Variants in TMEM39B observed in about 807,000 individuals in gnomAD.
The protein encoded by TMEM39B is transmembrane protein 39B.
In TMEM39B, 23 loss-of-function variants were observed where a neutral mutation model predicts 52.2. The ratio of observed to expected loss-of-function variants is 0.44; its 90% confidence interval spans 0.32 to 0.62. The LOEUF (loss-of-function observed/expected upper bound fraction) is 0.62. TMEM39B is among the 20% of genes least tolerant of loss of function. TMEM39B has a pLI of 0.06. For missense variants in TMEM39B, 547 were observed against 642.0 expected, an observed-to-expected ratio of 0.85 and a Z score of 1.60; for synonymous variants, 285 against 264.0, an observed-to-expected ratio of 1.08 and a Z score of -0.77.
intron 5 of TMEM39B, among the ~76,000 whole-genome samples, chr1:32,082,611 C>T (rs1312420674): frequency 6.6e-6 from 1 of 151,732 alleles, no homozygotes; most frequent in African/African-American, 2.4e-5. Flanking sequence ...TGCACCACCA[C>T]GCCCAGCTAA....
chr1:32,083,568 G>A (rs1323207519), intron 5 of TMEM39B, among the ~76,000 whole-genome samples: 7 of 149,504 alleles, frequency 4.7e-5, no homozygotes, highest in East Asian at 2.0e-4. Context: ...GACTACACGC[G>A]CCCGCCACCA....
Position 32,080,437 on chromosome 1 carries a change from G to A in TMEM39B, c.590+3119G>A, listed in dbSNP as rs1640047066. Among the ~76,000 whole-genome samples the A allele has an allele frequency of 2.6e-5, 4 of 151,572 alleles. No homozygotes were observed. The South Asian group carries it at 6.3e-4, about 24-fold the overall frequency. ...TCCCAGCACTTTGGGAGGCTGAGGC[G>A]GGTGGATCACGAGGTCAGGAGATTG... On this transcript the variant is annotated intron_variant, in intron 5 of 8. Transcript: ENST00000336294.
chr1:32,102,810 G>A lies in TMEM39B; in HGVS notation c.*137G>A, dbSNP rs1052993232. Reference sequence around the variant, plus strand: ...GAGCTTTGTATTTTTGTTACGTACTGTTTCTTTGATAATTGATGTGATAAG... The same window carrying A: ...GAGCTTTGTATTTTTGTTACGTACTATTTCTTTGATAATTGATGTGATAAG... On this transcript the variant is annotated 3_prime_UTR_variant, in exon 9 of 9. Transcript: ENST00000336294. 35 of 1,018,442 alleles carry A rather than the reference G, an allele frequency of 3.4e-5. No individual in the cohort carries two copies. The African/African-American group carries it at 5.1e-4, about 15-fold the overall frequency. 63.1% of individuals were successfully genotyped at this position (1,018,442 alleles called of 1,614,324 possible).
In TMEM39B at chr1:32,091,723, G is replaced by A. The variant is rs1173124693; in HGVS notation, c.639G>A (p.Lys213=). 1 of 1,613,978 alleles carries A rather than the reference G, an allele frequency of 6.2e-7. No individual in the cohort carries two copies. The highest frequency in any genetic ancestry group is 2.2e-5 in the East Asian group (1 of 44,882). The change falls in exon 6 of 9, where the codon AAG becomes AAA. Residue 213 remains lysine, a synonymous_variant. Transcript: ENST00000336294. Reference sequence around the variant, plus strand: ...TGCAGCTGAATTGCGACCTCCGCAAGACAAGCCTCTTCAACCACATGGCCT... The same window carrying A: ...TGCAGCTGAATTGCGACCTCCGCAAAACAAGCCTCTTCAACCACATGGCCT... ...PFLQLNCDLR[K]TSLFNHMASM... is the part of the protein sequence containing the mutation.
rs368329990 is a variant in TMEM39B, at chr1:32,102,663, G to T, written c.1469G>T (p.Arg490Leu). 3 of 1,573,694 alleles carry T rather than the reference G, an allele frequency of 1.9e-6. No homozygotes were observed. The highest frequency in any genetic ancestry group is 2.6e-6 in the Non-Finnish European group (3 of 1,157,712). ...SASPQRDLDH[R>L]FS ...AGCCCCCAGAGAGACCTGGACCACC[G>T]TTTCTCCTGAGCCCTGGGGTCACCT... The change falls in exon 9 of 9, where the codon CGT becomes CTT. Residue 490 changes from arginine (R) to leucine (L), a missense_variant. Coordinates refer to ENST00000336294, the MANE Select transcript of TMEM39B (RefSeq NM_018056.4).
intron 5 of TMEM39B, among the ~76,000 whole-genome samples, chr1:32,084,632 C>T (rs1174281196): frequency 6.6e-6 from 1 of 151,944 alleles, no homozygotes; most frequent in Non-Finnish European, 1.5e-5. Flanking sequence ...TGCAATGACA[C>T]GATCTCAGCT....
At chr1:32,097,524 G>A (rs1033028702) in intron 7 of TMEM39B, among the ~76,000 whole-genome samples, 10 of 151,924 alleles carry the variant, frequency 6.6e-5, no homozygotes, top group African/African-American at 2.4e-4. Flanking sequence ...TAGAGATGGG[G>A]TTTCACCATG....
chr1:32,094,984 A>ACCCTGCTCAACCCAATCCCAG lies in TMEM39B; in HGVS notation c.1115+18_1115+38dup, dbSNP rs1640760667. On this transcript the variant is annotated intron_variant, in intron 7 of 8. Transcript: ENST00000336294. ...TGCTGCAGCACCCGTGAGTCACCCT[A>ACCCTGCTCAACCCAATCCCAG]CCCTGCTCAACCCAATCCCAGCCCT... is the stretch of plus-strand genomic sequence containing the variant. 1 of 1,610,298 alleles carries ACCCTGCTCAACCCAATCCCAG rather than the reference A, an allele frequency of 6.2e-7. No individual in the cohort carries two copies. Among genetic ancestry groups the ACCCTGCTCAACCCAATCCCAG allele is most frequent in the Non-Finnish European group, 8.5e-7 (1 of 1,178,568 alleles).
chr1:32,089,506 A>G (rs915780977), intron 5 of TMEM39B, among the ~76,000 whole-genome samples: 20 of 151,986 alleles, frequency 1.3e-4, no homozygotes, highest in African/African-American at 3.4e-4. Flanking sequence ...TTTTTATATT[A>G]CGGACTGTAC....
intron 3 of TMEM39B, 123 bp from the exon 4 acceptor site, chr1:32,076,640 G>A (rs780260283): frequency 2.0e-6 from 2 of 1,006,180 alleles, no homozygotes; most frequent in South Asian, 1.3e-5. Flanking sequence ...GCTGGAGGCC[G>A]ATGAAGGTCA....
intron 6 of TMEM39B, among the ~76,000 whole-genome samples, chr1:32,092,221 A>G: frequency 6.6e-6 from 1 of 152,164 alleles, no homozygotes; most frequent in Non-Finnish European, 1.5e-5. Context: ...CAGTGGCACA[A>G]TCATGGGTCA....
upstream of TMEM39B, chr1:32,072,837 G>C (rs1369274544): frequency 5.3e-6 from 3 of 566,954 alleles, no homozygotes; most frequent in Non-Finnish European, 9.1e-6. Context: ...GACAAAGAGC[G>C]CGCAGGCACC....
chr1:32,090,175 C>T (rs1202806838), intron 5 of TMEM39B, among the ~76,000 whole-genome samples: 1 of 152,068 alleles, frequency 6.6e-6, no homozygotes, highest in East Asian at 1.9e-4. Context: ...AAAGCCCCTA[C>T]TATGATGGGC....
rs3831938 is a variant in TMEM39B, at chr1:32,075,839, G to GGTGTGTGTGT, written c.351+33_351+42dup. ...ACCTCCCTGGTAGGTACCCAACAAG[G>GGTGTGTGTGT]GTGTGTGTGTGTGTGTGTGTGTGTG... is the stretch of plus-strand genomic sequence containing the variant. On this transcript the variant is annotated intron_variant, in intron 3 of 8. Transcript: ENST00000336294. 2 of 1,260,910 alleles carry GGTGTGTGTGT rather than the reference G, an allele frequency of 1.6e-6. No homozygotes were observed. Among genetic ancestry groups the GGTGTGTGTGT allele is most frequent in the African/African-American group, 1.6e-5 (1 of 64,356 alleles). 78.1% of individuals were successfully genotyped at this position (1,260,910 alleles called of 1,614,324 possible).
chr1:32,081,849 T>A (rs1008677630), intron 5 of TMEM39B, among the ~76,000 whole-genome samples: 6 of 152,148 alleles, frequency 3.9e-5, no homozygotes, highest in Non-Finnish European at 1.5e-5. Context: ...AGTCTCCCCT[T>A]GACTGCTGCC....
intron 5 of TMEM39B, among the ~76,000 whole-genome samples, chr1:32,085,977 C>T (rs1425663695): frequency 1.3e-5 from 2 of 152,018 alleles, no homozygotes; most frequent in East Asian, 3.9e-4. Flanking sequence ...GCAGGGCACA[C>T]TGACTGGCAG....
intron 5 of TMEM39B, among the ~76,000 whole-genome samples, chr1:32,088,592 A>G (rs1197045283): frequency 8.1e-6 from 1 of 123,516 alleles, no homozygotes; most frequent in Non-Finnish European, 1.7e-5. Context: ...TCTGATACAG[A>G]TTTATTTTCT....
chr1:32,092,718 T>G (rs1640656701), intron 6 of TMEM39B, among the ~76,000 whole-genome samples: 1 of 152,028 alleles, frequency 6.6e-6, no homozygotes, highest in Non-Finnish European at 1.5e-5. Context: ...CTCAAACTCC[T>G]GGCCCCAAGT....
In TMEM39B at chr1:32,102,660, A is replaced by G. The variant is rs756299841; in HGVS notation, c.1466A>G (p.His489Arg). The change falls in exon 9 of 9, where the codon CAC (histidine) becomes CGC (arginine). Residue 489 changes from histidine to arginine, a missense_variant. Physicochemically the swap from His to Arg is conservative, Grantham distance 29. Transcript: ENST00000336294. ...YSASPQRDLDHRFS is the reference protein window; with the variant it reads ...YSASPQRDLDRRFS ...GCTAGCCCCCAGAGAGACCTGGACC[A>G]CCGTTTCTCCTGAGCCCTGGGGTCA... The G allele has an allele frequency of 6.3e-7, 1 of 1,576,970 alleles. No individual in the cohort carries two copies. The highest frequency in any genetic ancestry group is 8.6e-7 in the Non-Finnish European group (1 of 1,159,320).
Sources: gnomAD v4.1 joint callset for allele counts (sites outside exome capture counted in the v4.1 genomes callset) on GRCh38, gnomAD v4.1.1 for gene constraint, MANE v1.5 for transcripts, NCBI Gene and HGNC (gene_info 2026-07-23, HGNC 2026-07-21) for gene names.